The following CAMK1 variants were observed in gnomAD, a reference collection of about 807,000 sequenced individuals.
The protein encoded by CAMK1 is calcium/calmodulin dependent protein kinase I.
CAMK1 carries 39 observed loss-of-function variants against 49.1 expected under a neutral mutation model. The observed-to-expected ratio is 0.79, with a 90% CI of 0.62 to 1.04. The LOEUF is 1.04. Among genes scored for constraint, CAMK1 ranks in the 50% least tolerant of loss-of-function variants. The pLI is 0.00. For synonymous variants in CAMK1, 192 were observed against 185.2 expected (o/e 1.04, Z -0.30); for missense variants, 457 against 472.2 (o/e 0.97, Z 0.30).
chr3:9,769,439 A>G (rs951775187), intron 1 of CAMK1, among the ~76,000 whole-genome samples: 42 of 152,108 alleles, frequency 2.8e-4, no homozygotes, highest in African/African-American at 9.9e-4. Context: ...ACCAGCACAC[A>G]AAACACGTGG....
chr3:9,764,837 G>T (rs927819375), intron 3 of CAMK1, among the ~76,000 whole-genome samples: 2 of 151,784 alleles, frequency 1.3e-5, no homozygotes, highest in African/African-American at 4.8e-5. Flanking sequence ...TCTCCGTGTT[G>T]GTCAGGCGAT....
intron 10 of CAMK1, chr3:9,758,848 T>A: frequency 3.0e-6 from 1 of 333,786 alleles, no homozygotes; most frequent in Non-Finnish European, 5.8e-6. Context: ...CAGGATGGTC[T>A]TGAACTCCTG....
chr3:9,757,877 A>T lies in CAMK1; in HGVS notation c.913-31T>A. ...ATTGAAGGCATTGAAGGGAGAGGGG[A>T]GAAAGGACTTTTGAGAGAGTCAAGT... On this transcript the variant is annotated intron_variant, in intron 10 of 11. Coordinates refer to ENST00000256460, the MANE Select transcript of CAMK1 (RefSeq NM_003656.5). This position sits in a 1 kb window ranked among gnomAD's most constrained non-coding sequence, Gnocchi z 4.5. 1.3e-6 allele frequency: 2 copies of T among 1,579,298 alleles called. No homozygotes were observed. Among genetic ancestry groups the T allele is most frequent in the Non-Finnish European group, 1.7e-6 (2 of 1,156,786 alleles).
At chr3:9,762,582 G>C (rs948390961) in intron 5 of CAMK1, among the ~76,000 whole-genome samples, 22 of 151,926 alleles carry the variant, frequency 1.4e-4, no homozygotes, top group African/African-American at 5.3e-4. Context: ...TTGCCAAGCT[G>C]GTCTCGAACT....
At chr3:9,762,867 GC>G (rs756909249) in intron 5 of CAMK1, 46 bp downstream of exon 5, 6 of 1,595,338 alleles carry the variant, frequency 3.8e-6, no homozygotes, top group Non-Finnish European at 5.2e-6. Flanking sequence ...GTTTGCAAAG[GC>G]CCCACCCCTG....
chr3:9,761,174 T>G, intron 7 of CAMK1: 2 of 383,448 alleles, frequency 5.2e-6, no homozygotes, highest in Non-Finnish European at 9.5e-6. Flanking sequence ...AGTTTGTAGA[T>G]TTATTTACTT....
At chr3:9,768,996 C>T (rs930593020) in intron 1 of CAMK1, among the ~76,000 whole-genome samples, 7 of 152,010 alleles carry the variant, frequency 4.6e-5, no homozygotes, top group Non-Finnish European at 7.4e-5. Flanking sequence ...GCAGACATGC[C>T]ACACCAAGCC....
chr3:9,763,205 T>G lies in CAMK1; in HGVS notation c.224A>C (p.His75Pro). 1.2e-6 allele frequency: 2 copies of G among 1,613,422 alleles called. No homozygotes were observed. Among genetic ancestry groups the G allele is most frequent in the Non-Finnish European group, 1.7e-6 (2 of 1,179,918 alleles). The change falls in exon 4 of 12, where the codon CAC becomes CCC. Residue 75 changes from histidine (H) to proline (P), a missense_variant. Physicochemically the swap from His to Pro is moderately conservative, Grantham distance 77 (BLOSUM62 -2). Transcript: ENST00000256460. ...NEIAVLHKIK[H>P]PNIVALDDIY... Reference sequence around the variant, plus strand: ...GTCATCCAGGGCTACAATGTTGGGGTGCTTGATCCTGAAAGGAGAAATGAG... The same window carrying G: ...GTCATCCAGGGCTACAATGTTGGGGGGCTTGATCCTGAAAGGAGAAATGAG...
At chr3:9,768,427 CATCTAACCCT>C (rs2078216329) in intron 1 of CAMK1, among the ~76,000 whole-genome samples, 1 of 152,226 alleles carries the variant, frequency 6.6e-6, no homozygotes, top group African/African-American at 2.4e-5. Context: ...TTCCTGGCCC[CATCTAACCCT>C]ATCCAGCCTG....
rs765014349 is a variant in CAMK1, at chr3:9,766,262, C to G, written c.84-372G>C. 45 of 706,002 alleles carry G rather than the reference C, an allele frequency of 6.4e-5. No homozygotes were observed. In the South Asian group the frequency reaches 6.6e-4, roughly 10 times the overall value. 43.7% of individuals were successfully genotyped at this position (706,002 alleles called of 1,614,324 possible). The stretch of plus-strand genomic sequence containing the variant: ...AAAGGAAGTCCAACCTGAGAAATGG[C>G]CAAATATATTTCCTGATAACATTAT... On this transcript the variant is annotated intron_variant, in intron 2 of 11. Coordinates refer to ENST00000256460, the MANE Select transcript of CAMK1 (RefSeq NM_003656.5).
intron 7 of CAMK1, 132 bp downstream of exon 7, chr3:9,761,329 G>T: frequency 2.3e-6 from 2 of 862,048 alleles, no homozygotes; most frequent in Non-Finnish European, 3.6e-6. Flanking sequence ...AGTAATACTG[G>T]TAATTGATTG....
intron 3 of CAMK1, among the ~76,000 whole-genome samples, chr3:9,763,439 A>G (rs2077989301): frequency 6.7e-6 from 1 of 149,904 alleles, no homozygotes; most frequent in Non-Finnish European, 1.5e-5. Flanking sequence ...TTTAGAGCTC[A>G]GGACAGCTCA....
chr3:9,759,623 C>T, intron 9 of CAMK1, 48 bp from the exon 10 acceptor site: 1 of 1,614,110 alleles, frequency 6.2e-7, no homozygotes, highest in Non-Finnish European at 8.5e-7. Flanking sequence ...AGAAGCAGAC[C>T]TGAGGGCCCC....
intron 1 of CAMK1, among the ~76,000 whole-genome samples, chr3:9,768,004 G>GTCATGCAT (rs2078202503): frequency 6.6e-6 from 1 of 152,198 alleles, no homozygotes; most frequent in African/African-American, 2.4e-5. Context: ...ATTTAACAAA[G>GTCATGCAT]TCATGCATTC....
chr3:9,763,209 T>G lies in CAMK1; in HGVS notation c.220A>C (p.Lys74Gln), dbSNP rs779335679. The G allele has an allele frequency of 4.7e-5, 76 of 1,613,614 alleles. 1 individual carries two copies. In the South Asian group the frequency reaches 8.0e-4, roughly 17 times the overall value. ...ENEIAVLHKI[K>Q]HPNIVALDDI... ...TCCAGGGCTACAATGTTGGGGTGCT[T>G]GATCCTGAAAGGAGAAATGAGGTGG... Residue 74 changes from lysine to glutamine, a missense_variant, in exon 4 of 12, where the codon AAG (lysine) becomes CAG (glutamine). By Grantham distance (53) the Lys-to-Gln change is moderately conservative. Transcript: ENST00000256460.
At chr3:9,764,016 G>A (rs1174823151) in intron 3 of CAMK1, among the ~76,000 whole-genome samples, 1 of 152,084 alleles carries the variant, frequency 6.6e-6, no homozygotes, top group Admixed American at 6.6e-5. Flanking sequence ...AGTTTTCTGT[G>A]TTTACATGTT....
At chr3:9,759,914 AC>A in intron 8 of CAMK1, 164 bp from the exon 9 acceptor site, 1 of 1,090,116 alleles carries the variant, frequency 9.2e-7, no homozygotes, top group Admixed American at 2.4e-5. Context: ...AGGCCCTCCC[AC>A]CCCGTGCCTT....
rs566607774 is a variant in CAMK1, at chr3:9,760,821, G to A, written c.633-53C>T. ...TCCACTTTCGGGTGCCGTTGGCTCC[G>A]GGGTGGAGCACTGGGGCAGTCTCAG... is the stretch of plus-strand genomic sequence containing the variant. On this transcript the variant is annotated intron_variant, in intron 7 of 11. Transcript: ENST00000256460. 4.8e-5 allele frequency: 77 copies of A among 1,608,758 alleles called. 1 individual carries two copies. The highest frequency in any genetic ancestry group is 7.7e-5 in the South Asian group (7 of 90,608).
rs139923053 is a variant in CAMK1, at chr3:9,759,533, C to T, written c.867G>A (p.Ser289=). ...DTALDKNIHQ[S]VSEQIKKNFA... is the part of the protein sequence containing the mutation. ...AGTTCTTCTTGATCTGCTCACTCAC[C>T]GACTGGTGGATATTCTTATCTAGAG... is the stretch of plus-strand genomic sequence containing the variant. The change falls in exon 10 of 12, where the codon TCG becomes TCA. Residue 289 remains serine (S), a synonymous_variant. Coordinates refer to ENST00000256460, the MANE Select transcript of CAMK1 (RefSeq NM_003656.5). The T allele has an allele frequency of 5.0e-6, 8 of 1,614,006 alleles. No individual in the cohort carries two copies. The highest frequency in any genetic ancestry group is 2.7e-5 in the African/African-American group (2 of 74,904).
Sources: allele counts gnomAD v4.1 joint callset (sites outside exome capture counted in the v4.1 genomes callset), GRCh38; gene constraint gnomAD v4.1.1; non-coding constraint Gnocchi (gnomAD v3.1); transcripts MANE v1.5; gene names NCBI Gene and HGNC (gene_info 2026-07-23, HGNC 2026-07-21).